Variants in CRK observed in about 807,000 individuals in gnomAD.
CRK encodes the protein adapter molecule crk.
Under a neutral mutation model 29.8 loss-of-function variants are expected in CRK, and 4 were observed. The observed-to-expected ratio is 0.13, with a 90% CI of 0.07 to 0.31. CRK has a LOEUF of 0.31. Among genes scored for constraint, CRK ranks in the 10% least tolerant of loss-of-function variants. The pLI, the probability that CRK is intolerant of heterozygous loss-of-function variation, is 1.00. For synonymous variants in CRK, 153 were observed against 164.9 expected (o/e 0.93, Z 0.55); for missense variants, 274 against 396.5 (o/e 0.69, Z 2.62).
rs186281831 is a variant in CRK, at chr17:1,432,709, G to A, written c.777+3911C>T. Among the ~76,000 whole-genome samples the A allele has an allele frequency of 2.8e-4, 42 of 150,312 alleles. No homozygotes were observed. The East Asian group carries it at 6.7e-3, about 24-fold the overall frequency. ...GGAGAATGGCATGAGCCCAGGAGGC[G>A]GAGCTTGCAGTGCGCCGAGATCACG... is the stretch of plus-strand genomic sequence containing the variant. On this transcript the variant is annotated intron_variant, in intron 2 of 2. Transcript: ENST00000300574.
intron 1 of CRK, among the ~76,000 whole-genome samples, chr17:1,455,616 C>T (rs2074050063): frequency 6.6e-6 from 1 of 152,198 alleles, no homozygotes; most frequent in African/African-American, 2.4e-5. Flanking sequence ...GGAGCCAGCC[C>T]CACCCTGGGG....
intron 1 of CRK, among the ~76,000 whole-genome samples, chr17:1,438,859 A>G (rs2073911076): frequency 6.6e-6 from 1 of 151,688 alleles, no homozygotes; most frequent in African/African-American, 2.4e-5. Flanking sequence ...AAAAAAAAAA[A>G]TGAGTCAGGG....
intron 2 of CRK, among the ~76,000 whole-genome samples, chr17:1,428,570 C>G (rs1402295761): frequency 7.3e-6 from 1 of 137,654 alleles, no homozygotes; most frequent in Non-Finnish European, 1.5e-5. Flanking sequence ...GTTGCCCTGG[C>G]TAGAGTACAG....
intron 2 of CRK, among the ~76,000 whole-genome samples, chr17:1,424,238 TG>T (rs1194030517): frequency 6.6e-6 from 1 of 151,762 alleles, no homozygotes; most frequent in Non-Finnish European, 1.5e-5. Context: ...AGCTAATTTT[TG>T]TATTTTTAGT....
chr17:1,452,419 AGGACTT>A (rs1471090197), intron 1 of CRK, among the ~76,000 whole-genome samples: 1 of 152,174 alleles, frequency 6.6e-6, no homozygotes, highest in Non-Finnish European at 1.5e-5. Flanking sequence ...TGACTTCAAA[AGGACTT>A]GGTGAGGGGG....
chr17:1,436,424 G>A (rs1400054089), intron 2 of CRK, among the ~76,000 whole-genome samples, 196 bp downstream of exon 2: 2 of 152,162 alleles, frequency 1.3e-5, no homozygotes, highest in Non-Finnish European at 1.5e-5. Flanking sequence ...CAGTTATACA[G>A]TTTTAAGCTT....
chr17:1,433,530 T>TC, intron 2 of CRK, among the ~76,000 whole-genome samples: 1 of 134,178 alleles, frequency 7.5e-6, no homozygotes, highest in Non-Finnish European at 1.6e-5. Context: ...TTTTTTTTTT[T>TC]TTTTTGAGAT....
In CRK at chr17:1,455,919, G is replaced by A; in HGVS notation, c.199C>T (p.Pro67Ser). The A allele has an allele frequency of 3.1e-6, 5 of 1,588,212 alleles. No individual in the cohort carries two copies. The East Asian group carries it at 7.1e-5, about 23-fold the overall frequency. Residue 67 changes from proline (P) to serine (S), a missense_variant, in exon 1 of 3, where the codon CCG becomes TCG. By Grantham distance (74) the Pro-to-Ser change is moderately conservative. This residue lies in a region of CRK where 135 missense variants were observed against 180.9 expected (regional missense o/e 0.75). Coordinates refer to ENST00000300574, the MANE Select transcript of CRK (RefSeq NM_016823.4). ...VSHYIINSSG[P>S]RPPVPPSPAQ... ...GGCGACGGTGGCACCGGCGGGCGCG[G>A]GCCGCTGCTGTTGATGATGTAGTGG...
rs1189110920 is a variant in CRK, at chr17:1,421,911, T to A, written c.*1602A>T. 1.3e-5 allele frequency: 2 copies of A among 152,182 alleles called. No individual in the cohort carries two copies. Among genetic ancestry groups the A allele is most frequent in the African/African-American group, 2.4e-5 (1 of 41,462 alleles). 9.4% of individuals were successfully genotyped at this position (152,182 alleles called of 1,614,324 possible). ...TGCCTTTATAGACTGAGAACTAACGTGGAAGTTTCATGCTGTCGTCTAAAT... is the reference window on the plus strand; with the variant it reads ...TGCCTTTATAGACTGAGAACTAACGAGGAAGTTTCATGCTGTCGTCTAAAT... On this transcript the variant is annotated 3_prime_UTR_variant, in exon 3 of 3. Coordinates refer to ENST00000300574, the MANE Select transcript of CRK (RefSeq NM_016823.4).
In CRK at chr17:1,425,328, G is replaced by A. The variant is rs546786836; in HGVS notation, c.778-1678C>T. 2.6e-5 allele frequency among the ~76,000 whole-genome samples: 4 copies of A among 152,028 alleles called. No individual in the cohort carries two copies. The East Asian group carries it at 5.9e-4, about 22-fold the overall frequency. On this transcript the variant is annotated intron_variant, in intron 2 of 2. Coordinates refer to ENST00000300574, the MANE Select transcript of CRK (RefSeq NM_016823.4). The stretch of plus-strand genomic sequence containing the variant: ...AAGATGGTCTCGATCTCCTGACCTC[G>A]TGATCCGCCCGCCTCGGCCTCCCAA...
chr17:1,433,509 CTTTTTTTTTTT>C (rs60236552), intron 2 of CRK, among the ~76,000 whole-genome samples: 11 of 58,606 alleles, frequency 1.9e-4, no homozygotes, highest in South Asian at 8.8e-4. Flanking sequence ...CCACGCCTGG[CTTTTTTTTTTT>C]TTTTTTTTTT....
chr17:1,446,041 G>C (rs1466360997), intron 1 of CRK, among the ~76,000 whole-genome samples: 1 of 152,148 alleles, frequency 6.6e-6, no homozygotes, highest in East Asian at 1.9e-4. Context: ...GGGATGACAG[G>C]CATGAGCCAC....
rs2074011984 is a variant in CRK, at chr17:1,450,867, C to G, written c.241+5010G>C. On this transcript the variant is annotated intron_variant, in intron 1 of 2. Coordinates refer to ENST00000300574, the MANE Select transcript of CRK (RefSeq NM_016823.4). ...CGCCACTGCACTCCAGACGGGGCAA[C>G]AAGAGCGAAACTCCCTCTCAAACAA... is the stretch of plus-strand genomic sequence containing the variant. Among the ~76,000 whole-genome samples, 3 of 151,964 alleles carry G rather than the reference C, an allele frequency of 2.0e-5. 1 individual carries two copies. In the South Asian group the frequency reaches 6.2e-4, roughly 32 times the overall value.
intron 2 of CRK, chr17:1,424,469 A>AT (rs1205697776): frequency 6.6e-6 from 1 of 152,282 alleles, no homozygotes; most frequent in Non-Finnish European, 1.5e-5. Context: ...CATGGCAAGC[A>AT]TAGGTCACTT....
At chr17:1,454,452 A>G (rs1219667175) in intron 1 of CRK, among the ~76,000 whole-genome samples, 1 of 152,124 alleles carries the variant, frequency 6.6e-6, no homozygotes, top group Non-Finnish European at 1.5e-5. Flanking sequence ...AGACAGGAGA[A>G]TCGCCGTGAG....
intron 2 of CRK, among the ~76,000 whole-genome samples, chr17:1,431,117 G>A (rs2073841440): frequency 6.6e-6 from 1 of 151,838 alleles, no homozygotes; most frequent in African/African-American, 2.4e-5. Context: ...GCTTTTTGGG[G>A]CCTTTCTCCT....
At chr17:1,455,852 G>T in intron 1 of CRK, 25 bp downstream of exon 1, 2 of 1,521,738 alleles carry the variant, frequency 1.3e-6, no homozygotes, top group South Asian at 1.2e-5. Context: ...CCCGCCCAGG[G>T]CCCGCCGTCC....
At chr17:1,432,423 AGT>A (rs982355141) in intron 2 of CRK, among the ~76,000 whole-genome samples, 2 of 138,864 alleles carry the variant, frequency 1.4e-5, no homozygotes, top group African/African-American at 5.4e-5. Context: ...CAGGAGGCAG[AGT>A]GAGATCACGC....
At chr17:1,432,382 G>A (rs1480702706) in intron 2 of CRK, among the ~76,000 whole-genome samples, 8 of 151,310 alleles carry the variant, frequency 5.3e-5, no homozygotes, top group African/African-American at 1.5e-4. Flanking sequence ...CCAGCTACCC[G>A]GGAGGTTGAG....
Sources: allele counts gnomAD v4.1 joint callset (sites outside exome capture counted in the v4.1 genomes callset), GRCh38; gene constraint gnomAD v4.1.1; regional missense constraint gnomAD v4.1.1; transcripts MANE v1.5; gene names NCBI Gene and HGNC (gene_info 2026-07-23, HGNC 2026-07-21).